Variants in LAMA1 observed in about 807,000 individuals in gnomAD.
The protein encoded by LAMA1 is laminin subunit alpha 1.
LAMA1 carries 219 observed loss-of-function variants against 348.7 expected under a neutral mutation model. The observed-to-expected ratio is 0.63, with a 90% confidence interval of 0.56 to 0.70. LAMA1 has a LOEUF of 0.70. Ranked by LOEUF, LAMA1 falls within the 30% of genes least tolerant of loss-of-function variation. The pLI is 0.00. For missense variants in LAMA1, 3,744 were observed against 3,888.0 expected (o/e 0.96, Z 0.99); for synonymous variants, 1,487 against 1,491.0 (o/e 1.00, Z 0.06).
At chr18:7,040,304 T>C (rs2144180623) in intron 9 of LAMA1, 68 bp from the exon 10 acceptor site, 1 of 1,542,818 alleles carries the variant, frequency 6.5e-7, no homozygotes, top group Non-Finnish European at 8.9e-7. Flanking sequence ...GGTTGGCAAA[T>C]GTTTTCTGTA....
At chr18:7,015,587 A>G (rs2144124711) in intron 22 of LAMA1, 135 bp downstream of exon 22, 2 of 756,688 alleles carry the variant, frequency 2.6e-6, no homozygotes, top group East Asian at 5.4e-5. Context: ...GCCCACATTG[A>G]GTTTTTTTTT....
Position 7,038,877 on chromosome 18 carries a change from C to T in LAMA1, c.1496G>A (p.Gly499Asp). 6.2e-7 allele frequency: 1 copy of T among 1,614,168 alleles called. No homozygotes were observed. The highest frequency in any genetic ancestry group is 8.5e-7 in the Non-Finnish European group (1 of 1,180,010). ...FYNLKEKNPR[G>D]CSECFCFGVS... ...GCCAAAGCAGAAGCACTCGGAGCAGCCCCGGGGGTTTTTTTCCTTCAAGTT... is the reference window on the plus strand; with the variant it reads ...GCCAAAGCAGAAGCACTCGGAGCAGTCCCGGGGGTTTTTTTCCTTCAAGTT... The change falls in exon 11 of 63, where the codon GGC (glycine) becomes GAC (aspartate). Residue 499 changes from glycine to aspartate, a missense_variant. Gly to Asp is a moderately conservative substitution (Grantham distance 94, BLOSUM62 -1). This residue lies in a region of LAMA1 where 1,529 missense variants were observed against 1,689.4 expected (regional missense o/e 0.91). Transcript: ENST00000389658.
chr18:7,008,384 T>G, intron 28 of LAMA1, 104 bp downstream of exon 28: 11 of 1,278,220 alleles, frequency 8.6e-6, no homozygotes, highest in African/African-American at 1.5e-5. Context: ...GAGAAAAAAA[T>G]GATATAGTAG....
At chr18:7,048,985 GAAC>G in intron 5 of LAMA1, 90 bp downstream of exon 5, 1 of 1,280,386 alleles carries the variant, frequency 7.8e-7, no homozygotes, top group Middle Eastern at 2.5e-4. Flanking sequence ...GTCGGGGAAA[GAAC>G]AACCAAAAAG....
At chr18:7,092,611 G>A (rs117367328) in intron 1 of LAMA1, among the ~76,000 whole-genome samples, 3 of 142,704 alleles carry the variant, frequency 2.1e-5, no homozygotes, top group East Asian at 4.0e-4. Context: ...GCAACAGAGC[G>A]AGTCTCTGTC....
intron 48 of LAMA1, among the ~76,000 whole-genome samples, chr18:6,967,694 C>T (rs1452248232): frequency 6.6e-6 from 1 of 152,158 alleles, no homozygotes; most frequent in South Asian, 2.1e-4. Flanking sequence ...ATTAAAGTAC[C>T]TTGTTCAAGG....
At chr18:7,105,612 C>G (rs1008919300) in intron 1 of LAMA1, among the ~76,000 whole-genome samples, 2 of 152,084 alleles carry the variant, frequency 1.3e-5, no homozygotes, top group African/African-American at 4.8e-5. Context: ...CCCAGATAAT[C>G]CCAAAGAAAA....
At chr18:6,946,719 CAAAAAGAAAAAAA>C (rs1395753931) in intron 61 of LAMA1, among the ~76,000 whole-genome samples, 1 of 151,686 alleles carries the variant, frequency 6.6e-6, no homozygotes, top group Non-Finnish European at 1.5e-5. Context: ...AACTCCGTCT[CAAAAAGAAAAAAA>C]ATGCATAGTG....
intron 16 of LAMA1, among the ~76,000 whole-genome samples, chr18:7,031,209 C>T (rs961086860): frequency 5.3e-5 from 8 of 152,204 alleles, no homozygotes; most frequent in African/African-American, 9.6e-5. Flanking sequence ...CCCTGCCAGG[C>T]GACCAGGGTA....
At chr18:7,087,961 C>T (rs1274001534) in intron 1 of LAMA1, among the ~76,000 whole-genome samples, 1 of 152,188 alleles carries the variant, frequency 6.6e-6, no homozygotes, top group Non-Finnish European at 1.5e-5. Context: ...GGGGGTATCA[C>T]TAAGTTTCCT....
chr18:7,079,633 C>A, intron 3 of LAMA1: 1 of 372,828 alleles, frequency 2.7e-6, no homozygotes, highest in South Asian at 2.5e-5. Flanking sequence ...TTAGGAAATA[C>A]ATGTGTTTTC....
At chr18:7,021,693 C>A (rs1021186024) in intron 19 of LAMA1, among the ~76,000 whole-genome samples, 1 of 150,620 alleles carries the variant, frequency 6.6e-6, no homozygotes, top group African/African-American at 2.4e-5. Flanking sequence ...TACATTTCAC[C>A]TACTTCTTTT....
At chr18:7,055,327 C>T (rs377339365) in intron 3 of LAMA1, among the ~76,000 whole-genome samples, 3 of 151,874 alleles carry the variant, frequency 2.0e-5, no homozygotes, top group African/African-American at 4.8e-5. Context: ...GTGGCACATG[C>T]CTGTAATCCC....
chr18:7,086,135 T>C (rs185731344), intron 1 of LAMA1, among the ~76,000 whole-genome samples: 4 of 152,346 alleles, frequency 2.6e-5, no homozygotes, highest in Admixed American at 2.6e-4. Flanking sequence ...TGCAGCACTG[T>C]GCCAGGCACC....
intron 1 of LAMA1, among the ~76,000 whole-genome samples, chr18:7,084,074 G>GAAAAAAA (rs35419107): frequency 1.6e-4 from 8 of 49,724 alleles, no homozygotes; most frequent in African/African-American, 3.9e-4. Flanking sequence ...TTCTGTCTCA[G>GAAAAAAA]AAAAAAAAAA....
In LAMA1 at chr18:6,961,933, A is replaced by G. The variant is rs1291181616; in HGVS notation, c.7452+12T>C. 6.2e-7 allele frequency: 1 copy of G among 1,603,484 alleles called. No individual in the cohort carries two copies. Among genetic ancestry groups the G allele is most frequent in the African/African-American group, 1.3e-5 (1 of 74,816 alleles). On this transcript the variant is annotated intron_variant, in intron 52 of 62. Coordinates refer to ENST00000389658, the MANE Select transcript of LAMA1 (RefSeq NM_005559.4). Reference sequence around the variant, plus strand: ...GGAAACTCATTTGAACATTAATAACAATGTTTCCTACCTCCAGTAAACAGC... The same window carrying G: ...GGAAACTCATTTGAACATTAATAACGATGTTTCCTACCTCCAGTAAACAGC...
In LAMA1 at chr18:7,117,760, C is replaced by A; in HGVS notation, c.-40G>T. On this transcript the variant is annotated 5_prime_UTR_variant, in exon 1 of 63. Transcript: ENST00000389658. ...CACTCGGTGGGTCTGGGGAGAAAGC[C>A]GCGCGCCCGCCTGGAACGCTCCACG... The A allele has an allele frequency of 1.9e-6, 3 of 1,569,652 alleles. No homozygotes were observed. The highest frequency in any genetic ancestry group is 1.7e-6 in the Non-Finnish European group (2 of 1,161,198).
In LAMA1 at chr18:6,996,131, C is replaced by CT. The variant is rs562205096; in HGVS notation, c.4807-686dup. On this transcript the variant is annotated intron_variant, in intron 33 of 62. Coordinates refer to ENST00000389658, the MANE Select transcript of LAMA1 (RefSeq NM_005559.4). ...TGATTGGAAAAAAAAGTTAAATATT[C>CT]TTTTTTTTATAGAGGTAAAAGCTCT... Among the ~76,000 whole-genome samples, 159 of 151,978 alleles carry CT rather than the reference C, an allele frequency of 1.0e-3. 1 individual carries two copies. The highest frequency in any genetic ancestry group is 3.4e-3 in the African/African-American group (141 of 41,504).
chr18:7,052,594 G>T lies in LAMA1; in HGVS notation c.346-1658C>A, dbSNP rs373573041. ...ACAAAAAAATTAGCCGGCCGTGGAG[G>T]CGCATGCATGTAATCCCAGCTACTT... On this transcript the variant is annotated intron_variant, in intron 3 of 62. Transcript: ENST00000389658. 5.9e-5 allele frequency among the ~76,000 whole-genome samples: 9 copies of T among 152,062 alleles called. No individual in the cohort carries two copies. In the East Asian group the frequency reaches 1.7e-3, roughly 29 times the overall value.
Sources: allele counts gnomAD v4.1 joint callset (sites outside exome capture counted in the v4.1 genomes callset), GRCh38; gene constraint gnomAD v4.1.1; regional missense constraint gnomAD v4.1.1; transcripts MANE v1.5; gene names NCBI Gene and HGNC (gene_info 2026-07-23, HGNC 2026-07-21).